ATF7IP: variants seen among roughly 807,000 people sequenced by gnomAD.
The protein encoded by ATF7IP is activating transcription factor 7-interacting protein 1.
ATF7IP carries 23 observed loss-of-function variants against 106.4 expected under a neutral mutation model. That is an observed-to-expected ratio of 0.22 (90% confidence interval 0.16 to 0.31). The LOEUF is 0.31. ATF7IP is among the 10% of genes least tolerant of loss of function. ATF7IP has a pLI of 1.00. For missense variants in ATF7IP, 1,334 were observed against 1,524.3 expected (o/e 0.88, Z 2.08); for synonymous variants, 542 against 539.0 (o/e 1.01, Z -0.08).
chr12:14,385,424 C>A, intron 1 of ATF7IP: 1 of 1,527,952 alleles, frequency 6.5e-7, no homozygotes, highest in Non-Finnish European at 8.8e-7. Flanking sequence ...ACTCTTTTAT[C>A]TTAAACATTC....
chr12:14,414,684 A>C (rs1204137610), intron 1 of ATF7IP, among the ~76,000 whole-genome samples: 4 of 152,162 alleles, frequency 2.6e-5, no homozygotes, highest in African/African-American at 7.2e-5. Flanking sequence ...GAATAATGAA[A>C]AAGTATACAG....
In ATF7IP at chr12:14,481,042, A is replaced by G; in HGVS notation, c.3137A>G (p.Gln1046Arg). The G allele has an allele frequency of 1.2e-6, 2 of 1,614,012 alleles. No homozygotes were observed. Among genetic ancestry groups the G allele is most frequent in the Non-Finnish European group, 1.7e-6 (2 of 1,179,946 alleles). ...AATGTAACACATCGTCCAGTAACTC[A>G]GGTGACCACAAGACTCCCTGTACCA... ...TVNVTHRPVT[Q>R]VTTRLPVPRA... The change falls in exon 13 of 15, where the codon CAG (glutamine) becomes CGG (arginine). Residue 1046 changes from glutamine (Q) to arginine (R), a missense_variant. Coordinates refer to ENST00000261168, the MANE Select transcript of ATF7IP (RefSeq NM_018179.5).
chr12:14,455,946 A>C (rs562567606), intron 6 of ATF7IP, among the ~76,000 whole-genome samples: 2 of 152,240 alleles, frequency 1.3e-5, no homozygotes, highest in East Asian at 3.9e-4. Flanking sequence ...AAATAATGAT[A>C]GTTAATATGT....
intron 8 of ATF7IP, among the ~76,000 whole-genome samples, chr12:14,458,970 A>G (rs182520784): frequency 6.6e-6 from 1 of 152,288 alleles, no homozygotes; most frequent in East Asian, 1.9e-4. Context: ...TAAAAATTAC[A>G]TTTACTGATT....
At chr12:14,388,926 C>T (rs1237688395) in intron 1 of ATF7IP, among the ~76,000 whole-genome samples, 2 of 152,182 alleles carry the variant, frequency 1.3e-5, no homozygotes, top group East Asian at 1.9e-4. Context: ...AGGCATGAGG[C>T]ATCGTGCCCT....
chr12:14,475,185 T>C (rs1591944305), intron 10 of ATF7IP, among the ~76,000 whole-genome samples: 1 of 152,208 alleles, frequency 6.6e-6, no homozygotes, highest in Non-Finnish European at 1.5e-5. Context: ...ACATTTGGAT[T>C]AATCCTCACA....
At chr12:14,486,063 C>T (rs117545050) in intron 13 of ATF7IP, among the ~76,000 whole-genome samples, 12,293 of 152,172 alleles carry the variant, frequency 0.081, 876 homozygotes, top group African/African-American at 0.19. Context: ...AGCCCTCACC[C>T]TACCAGTCAA....
intron 1 of ATF7IP, among the ~76,000 whole-genome samples, chr12:14,391,175 T>C (rs1050867872): frequency 6.6e-6 from 1 of 152,224 alleles, no homozygotes; most frequent in Non-Finnish European, 1.5e-5. Context: ...TGGTGATATG[T>C]AACAGTCTGT....
intron 1 of ATF7IP, among the ~76,000 whole-genome samples, chr12:14,413,033 G>A (rs1268189281): frequency 1.3e-5 from 2 of 152,100 alleles, no homozygotes; most frequent in Non-Finnish European, 2.9e-5. Context: ...ACAAAAAGTT[G>A]TTTGACTTTT....
intron 1 of ATF7IP, among the ~76,000 whole-genome samples, chr12:14,401,944 C>G (rs1408862036): frequency 6.6e-6 from 1 of 150,826 alleles, no homozygotes. Context: ...TAACTCCTGA[C>G]CTCGTGATGC....
At chr12:14,450,922 T>C (rs1190449513) in intron 6 of ATF7IP, among the ~76,000 whole-genome samples, 1 of 152,022 alleles carries the variant, frequency 6.6e-6, no homozygotes, top group Non-Finnish European at 1.5e-5. Flanking sequence ...ATAATAGGCC[T>C]GCACCACCAC....
intron 9 of ATF7IP, 175 bp from the exon 10 acceptor site, chr12:14,466,351 G>C: frequency 3.3e-6 from 2 of 614,732 alleles, no homozygotes; most frequent in Admixed American, 3.3e-5. Context: ...ATAGTAATCT[G>C]TATGGTATCT....
intron 10 of ATF7IP, among the ~76,000 whole-genome samples, chr12:14,466,987 C>T (rs1172273634): frequency 2.0e-5 from 3 of 152,054 alleles, no homozygotes; most frequent in African/African-American, 7.2e-5. Context: ...ACCCCTACCA[C>T]CTTTTTAATT....
At chr12:14,489,620 T>C (rs1944741289) in intron 13 of ATF7IP, among the ~76,000 whole-genome samples, 1 of 152,124 alleles carries the variant, frequency 6.6e-6, no homozygotes, top group Non-Finnish European at 1.5e-5. Flanking sequence ...TACATGGCCT[T>C]CTGGAGAATT....
chr12:14,431,077 T>C (rs1942095334), intron 2 of ATF7IP, among the ~76,000 whole-genome samples: 1 of 152,234 alleles, frequency 6.6e-6, no homozygotes, highest in Admixed American at 6.5e-5. Context: ...AGTCCCCTAA[T>C]GTAAATTCTA....
At chr12:14,442,706 A>G (rs1189370937) in intron 5 of ATF7IP, among the ~76,000 whole-genome samples, 16 of 152,350 alleles carry the variant, frequency 1.1e-4, no homozygotes, top group Non-Finnish European at 1.5e-5. Flanking sequence ...TCTGAGACAA[A>G]TTGTTCTATT....
At chr12:14,441,059 T>A (rs186780910) in intron 5 of ATF7IP, among the ~76,000 whole-genome samples, 1 of 152,352 alleles carries the variant, frequency 6.6e-6, no homozygotes, top group Admixed American at 6.5e-5. Context: ...AGTGTTTGTT[T>A]GAATACTTGT....
At chr12:14,492,439 G>A (rs1029375898) in intron 13 of ATF7IP, among the ~76,000 whole-genome samples, 2 of 152,148 alleles carry the variant, frequency 1.3e-5, no homozygotes, top group Non-Finnish European at 2.9e-5. Flanking sequence ...AATGTAGTGG[G>A]GTCTTTCCTC....
At chr12:14,446,043 T>C (rs1199496858) in intron 5 of ATF7IP, among the ~76,000 whole-genome samples, 1 of 152,174 alleles carries the variant, frequency 6.6e-6, no homozygotes, top group East Asian at 1.9e-4. Flanking sequence ...CCTTTCAATA[T>C]GTATTTGGGC....
Sources: allele counts gnomAD v4.1 joint callset (sites outside exome capture counted in the v4.1 genomes callset), GRCh38; gene constraint gnomAD v4.1.1; transcripts MANE v1.5; gene names NCBI Gene and HGNC (gene_info 2026-07-23, HGNC 2026-07-21).